Variants in DCAF11 observed in about 807,000 individuals in gnomAD.
DCAF11 encodes DDB1- and CUL4-associated factor 11.
DCAF11 carries 44 observed loss-of-function variants against 76.1 expected under a neutral mutation model. The ratio of observed to expected loss-of-function variants is 0.58; its 90% CI spans 0.45 to 0.74. The LOEUF (loss-of-function observed/expected upper bound fraction) is 0.74, where lower values mean the gene tolerates loss of function less well. Ranked by LOEUF, DCAF11 falls within the 30% of genes least tolerant of loss-of-function variation. DCAF11 has a pLI of 0.00. For synonymous variants in DCAF11, 258 were observed against 255.0 expected, an observed-to-expected ratio of 1.01 and a Z score of -0.11; for missense variants, 604 against 709.4, an observed-to-expected ratio of 0.85 and a Z score of 1.69.
At position 24,119,613 on chromosome 14, in the gene DCAF11, T is replaced by C. The variant is rs1267754385; in HGVS notation, c.903T>C (p.Leu301=). The part of the protein sequence containing the change: ...VFDREQNRRT[L]QIESHEDDVN... ...ACCGAGAACAGAACCGGCGCACCCT[T>C]CAGGTATGGCTCCTGAGATAGAGCC... Residue 301 remains leucine, a synonymous_variant, in exon 10 of 15, where the codon CTT becomes CTC. Transcript: ENST00000446197. The C allele has an allele frequency of 1.2e-5, 19 of 1,614,088 alleles. No homozygotes were observed. The highest frequency in any genetic ancestry group is 1.5e-5 in the Non-Finnish European group (18 of 1,180,036).
intron 8 of DCAF11, 123 bp downstream of exon 8, chr14:24,118,927 T>A (rs2037636908): frequency 8.1e-7 from 1 of 1,231,800 alleles, no homozygotes; most frequent in African/African-American, 1.5e-5. Flanking sequence ...TCTGTGTGCA[T>A]TCCTGGGAGG....
Position 24,117,159 on chromosome 14 carries a change from T to G in DCAF11, c.284-107T>G, listed in dbSNP as rs749935959. On this transcript the variant is annotated intron_variant, in intron 3 of 14. Transcript: ENST00000446197. This position sits in a 1 kb window ranked among gnomAD's most constrained non-coding sequence, Gnocchi z 4.3. ...CGATAATTTAAGGAATAAGGAGTCC[T>G]TACAGCCCCAGTATATTCAGCCACA... 14 of 1,603,890 alleles carry G rather than the reference T, an allele frequency of 8.7e-6. No homozygotes were observed. The highest frequency in any genetic ancestry group is 1.1e-5 in the Non-Finnish European group (13 of 1,173,686).
Position 24,115,653 on chromosome 14 carries a change from T to A in DCAF11, c.59T>A (p.Leu20Ter). Residue 20 changes from leucine to a stop codon, truncating the protein, a stop_gained, in exon 2 of 15, where the codon TTG (leucine) becomes TAG (stop). Transcript: ENST00000446197. LOFTEE classifies it high-confidence loss of function. ...GGGTCCGGAGACCCCTCCGAGGGCT[T>A]GCCCCGAAGAGGGGCTGGCCTGCGT... ...GSGSGDPSEG[L>*]PRRGAGLRRS... The A allele has an allele frequency of 6.2e-7, 1 of 1,613,978 alleles. No homozygotes were observed. Among genetic ancestry groups the A allele is most frequent in the Non-Finnish European group, 8.5e-7 (1 of 1,179,962 alleles).
chr14:24,119,351 C>T, intron 9 of DCAF11, 138 bp downstream of exon 9: 1 of 1,283,552 alleles, frequency 7.8e-7, no homozygotes, highest in South Asian at 1.2e-5. Context: ...TTACAAGTTG[C>T]TTCACCCCTT....
Position 24,115,468 on chromosome 14 carries a change from C to G in DCAF11, c.-127C>G, listed in dbSNP as rs1298289326. On this transcript the variant is annotated 5_prime_UTR_variant, in exon 2 of 15. Transcript: ENST00000446197. Reference sequence around the variant, plus strand: ...CTCAGCCCCGAGGAAGGGTCACCCTCCTAGAGATAGCTACTACCCCGTCTC... The same window carrying G: ...CTCAGCCCCGAGGAAGGGTCACCCTGCTAGAGATAGCTACTACCCCGTCTC... The G allele has an allele frequency of 1.4e-6, 2 of 1,391,682 alleles. No individual in the cohort carries two copies. Among genetic ancestry groups the G allele is most frequent in the African/African-American group, 2.9e-5 (2 of 69,194 alleles). 86.2% of individuals were successfully genotyped at this position (1,391,682 alleles called of 1,614,324 possible). A position where few individuals can be genotyped will look rare whatever the true frequency, so the allele number is the denominator to read the frequency against.
At position 24,114,903 on chromosome 14, in the gene DCAF11, G is replaced by C. The variant is rs17101347; in HGVS notation, c.-604G>C. The C allele has an allele frequency of 3.0e-6, 3 of 985,830 alleles. No homozygotes were observed. Among genetic ancestry groups the C allele is most frequent in the African/African-American group, 1.7e-5 (1 of 57,246 alleles). 61.1% of individuals were successfully genotyped at this position (985,830 alleles called of 1,614,324 possible). On this transcript the variant is annotated 5_prime_UTR_variant, in exon 1 of 15. Transcript: ENST00000446197. ...TAAACAAGGCCTCGCGCCGCTGCGG[G>C]TCCTGCGACCGCTCCTGGCTGGTGG...
chr14:24,114,833 G>GC lies in DCAF11; in HGVS notation c.-673dup. The GC allele has an allele frequency of 1.0e-6, 1 of 985,976 alleles. No homozygotes were observed. Among genetic ancestry groups the GC allele is most frequent in the South Asian group, 4.7e-5 (1 of 21,300 alleles). The allele number at this position is 985,976 out of a possible 1,614,324, so 61.1% of individuals were successfully genotyped here. A position where few individuals can be genotyped will look rare whatever the true frequency, so the allele number is the denominator to read the frequency against. ...CCGCGAGATGCGTGACGAGCGAAGC[G>GC]CGTGACGGAGGAGCGGTTGGCCAAC... On this transcript the variant is annotated 5_prime_UTR_variant, in exon 1 of 15. It removes the in-frame stop codon of an upstream open reading frame in the 5' UTR. Transcript: ENST00000446197.
Position 24,115,410 on chromosome 14 carries a change from C to T in DCAF11, c.-185C>T. On this transcript the variant is annotated 5_prime_UTR_variant, in exon 2 of 15. Transcript: ENST00000446197. ...TGGAGAAGGTTTGTGTTCCCGACGC[C>T]TTGGTAGTTGGCATAGGCTAAAGAA... 1.3e-6 allele frequency: 1 copy of T among 741,744 alleles called. No individual in the cohort carries two copies. The highest frequency in any genetic ancestry group is 2.0e-6 in the Non-Finnish European group (1 of 494,104). The allele number at this position is 741,744 out of a possible 1,614,324, so 45.9% of individuals were successfully genotyped here.
Position 24,117,482 on chromosome 14 carries a change from C to T in DCAF11, c.411+89C>T. 2 of 1,586,922 alleles carry T rather than the reference C, an allele frequency of 1.3e-6. No individual in the cohort carries two copies. Among genetic ancestry groups the T allele is most frequent in the Non-Finnish European group, 1.7e-6 (2 of 1,165,880 alleles). On this transcript the variant is annotated intron_variant, in intron 4 of 14. Transcript: ENST00000446197. The surrounding 1 kb of genome is among the most constrained non-coding windows in gnomAD (Gnocchi z 4.3). ...CCCAGAGAAAAAGGAAGTCAACTTT[C>T]CAAAGTAGAAGCCTCAAGCGCTGGG...
At position 24,114,875 on chromosome 14, in the gene DCAF11, G is replaced by T; in HGVS notation, c.-632G>T. ...TTGGCCAACGCAGTGGCGGCAGTCG[G>T]TGTAAACAAGGCCTCGCGCCGCTGC... On this transcript the variant is annotated 5_prime_UTR_variant, in exon 1 of 15. Coordinates refer to ENST00000446197, the MANE Select transcript of DCAF11 (RefSeq NM_025230.5). The T allele has an allele frequency of 6.1e-6, 6 of 985,954 alleles. No individual in the cohort carries two copies. The highest frequency in any genetic ancestry group is 7.2e-6 in the Non-Finnish European group (6 of 829,958). 61.1% of individuals were successfully genotyped at this position (985,954 alleles called of 1,614,324 possible). A position where few individuals can be genotyped will look rare whatever the true frequency, so the allele number is the denominator to read the frequency against.
At position 24,123,003 on chromosome 14, in the gene DCAF11, A is replaced by C. The variant is rs770809463; in HGVS notation, c.1432A>C (p.Lys478Gln). 6.2e-7 allele frequency: 1 copy of C among 1,614,192 alleles called. No individual in the cohort carries two copies. Residue 478 changes from lysine to glutamine, a missense_variant, in exon 14 of 15, where the codon AAG (lysine) becomes CAG (glutamine). By Grantham distance (53) the Lys-to-Gln change is moderately conservative. Transcript: ENST00000446197. The part of the protein sequence containing the change: ...YDLLSGHIVK[K>Q]LTNHKACVRD... ...CCTTCTAAGTGGCCACATTGTGAAG[A>C]AGCTGACCAACCACAAGGCCTGTGT... is the stretch of plus-strand genomic sequence containing the variant.
At chr14:24,119,466 A>T in intron 9 of DCAF11, 93 bp from the exon 10 acceptor site, 4 of 1,498,396 alleles carry the variant, frequency 2.7e-6, no homozygotes, top group Non-Finnish European at 3.7e-6. Flanking sequence ...CTTGACCCAG[A>T]GCAGGATTTC....
In DCAF11 at chr14:24,115,057, A is replaced by G; in HGVS notation, c.-450A>G. ...GCGAGGAAGGAGGGGTGTTAGGCCA[A>G]ATTCTATTTTCATTGGCTGTCACTG... On this transcript the variant is annotated 5_prime_UTR_variant, in exon 1 of 15. Coordinates refer to ENST00000446197, the MANE Select transcript of DCAF11 (RefSeq NM_025230.5). 1 of 981,650 alleles carries G rather than the reference A, an allele frequency of 1.0e-6. No homozygotes were observed. The highest frequency in any genetic ancestry group is 1.2e-6 in the Non-Finnish European group (1 of 826,098). The allele number at this position is 981,650 out of a possible 1,614,324, so 60.8% of individuals were successfully genotyped here. A position where few individuals can be genotyped will look rare whatever the true frequency, so the allele number is the denominator to read the frequency against.
At chr14:24,120,076 C>T (rs952124602) in intron 11 of DCAF11, among the ~76,000 whole-genome samples, 180 bp downstream of exon 11, 4 of 152,150 alleles carry the variant, frequency 2.6e-5, no homozygotes, top group Non-Finnish European at 4.4e-5. Flanking sequence ...CTCACCAGTC[C>T]TCAAGGAGCA....
rs1594339372 is a variant in DCAF11 at position 24,120,829 on chromosome 14, G to A, written c.1093-9G>A. ...TCTGATGCTTCACTATCCACCTTTG[G>A]ATTCATAGGGTGATGCCCGGTATCT... On this transcript the variant is annotated splice_polypyrimidine_tract_variant and intron_variant, in intron 11 of 14. Transcript: ENST00000446197. The A allele has an allele frequency of 1.2e-6, 2 of 1,614,108 alleles. No individual in the cohort carries two copies. Among genetic ancestry groups the A allele is most frequent in the Non-Finnish European group, 1.7e-6 (2 of 1,179,970 alleles).
intron 13 of DCAF11, among the ~76,000 whole-genome samples, chr14:24,122,408 T>G (rs1241116560): frequency 6.8e-6 from 1 of 148,062 alleles, no homozygotes; most frequent in African/African-American, 2.5e-5. Flanking sequence ...GAGAATCGCT[T>G]GAACCCGGGA....
chr14:24,118,588 A>G, intron 7 of DCAF11, 54 bp downstream of exon 7: 1 of 1,604,304 alleles, frequency 6.2e-7, no homozygotes, highest in Non-Finnish European at 8.5e-7. Context: ...TGAGGTTTCC[A>G]TGTGCCTGTC....
At chr14:24,120,327 C>T (rs927202739) in intron 11 of DCAF11, among the ~76,000 whole-genome samples, 1 of 151,900 alleles carries the variant, frequency 6.6e-6, no homozygotes, top group East Asian at 1.9e-4. Context: ...GAGGCCGAGG[C>T]GGGCAGATCA....
intron 13 of DCAF11, chr14:24,121,837 T>C (rs2037696041): frequency 7.1e-6 from 2 of 281,186 alleles, no homozygotes; most frequent in Admixed American, 9.3e-5. Context: ...AGGAAGATGG[T>C]AGCAAGTAGT....
Sources: gnomAD v4.1 joint callset for allele counts (sites outside exome capture counted in the v4.1 genomes callset) on GRCh38, gnomAD v4.1.1 for gene constraint, Gnocchi (gnomAD v3.1) non-coding constraint, MANE v1.5 for transcripts, NCBI Gene and HGNC (gene_info 2026-07-23, HGNC 2026-07-21) for gene names.